Variants in ANKS1A observed in about 807,000 individuals in gnomAD.
ANKS1A encodes the protein ankyrin repeat and sterile alpha motif domain containing 1A.
A neutral mutation model predicts 120.3 loss-of-function variants in ANKS1A; 55 were observed. That is an observed-to-expected ratio of 0.46 (90% CI 0.37 to 0.57). The LOEUF (loss-of-function observed/expected upper bound fraction) is 0.57, where lower values mean the gene tolerates loss of function less well. ANKS1A is among the 20% of genes least tolerant of loss of function. The pLI is 0.00. For synonymous variants in ANKS1A, 590 were observed against 604.7 expected (o/e 0.98, Z 0.36); for missense variants, 1,123 against 1,480.3 (o/e 0.76, Z 3.96).
chr6:35,010,706 G>A (rs1368020819), intron 10 of ANKS1A, among the ~76,000 whole-genome samples: 1 of 152,164 alleles, frequency 6.6e-6, no homozygotes, highest in Non-Finnish European at 1.5e-5. Context: ...AAAAGGGTTA[G>A]GCAGTTAGAA....
intron 1 of ANKS1A, among the ~76,000 whole-genome samples, chr6:34,950,018 G>A (rs891780812): frequency 6.6e-5 from 10 of 152,046 alleles, no homozygotes; most frequent in Non-Finnish European, 1.5e-5. Flanking sequence ...ACTAGATCTG[G>A]CTTCACTTTT....
chr6:35,053,991 A>C, intron 11 of ANKS1A, 108 bp from the exon 12 acceptor site: 1 of 838,684 alleles, frequency 1.2e-6, no homozygotes, highest in Non-Finnish European at 2.0e-6. Context: ...GGTCCTGGGA[A>C]GCATCTGAAA....
rs145570206 is a variant in ANKS1A, at chr6:35,071,711, G to T, written c.2185-6847G>T. Among the ~76,000 whole-genome samples, 453 of 152,374 alleles carry T rather than the reference G, an allele frequency of 3.0e-3. 1 individual carries two copies. The highest frequency in any genetic ancestry group is 9.8e-3 in the African/African-American group (408 of 41,588). On this transcript the variant is annotated intron_variant, in intron 13 of 23. Coordinates refer to ENST00000360359, the MANE Select transcript of ANKS1A (RefSeq NM_015245.3). ...CCCCTGAGCTGGCCACACGCTCCCA[G>T]TCAGAACTTCTCTGCGGTTTGGATG...
chr6:34,901,242 G>T (rs1315191547), intron 1 of ANKS1A, among the ~76,000 whole-genome samples: 72 of 149,782 alleles, frequency 4.8e-4, no homozygotes, highest in African/African-American at 1.7e-3. Context: ...TAAACAATTC[G>T]CTCCCTCATT....
chr6:34,964,255 C>T (rs1489188950), intron 1 of ANKS1A, among the ~76,000 whole-genome samples: 3 of 152,038 alleles, frequency 2.0e-5, no homozygotes, highest in African/African-American at 7.3e-5. Context: ...AGATGATTCC[C>T]CCTTTCTTTT....
chr6:34,959,151 C>G (rs1365455334), intron 1 of ANKS1A, among the ~76,000 whole-genome samples: 1 of 152,232 alleles, frequency 6.6e-6, no homozygotes, highest in East Asian at 1.9e-4. Context: ...ACCTCACGCA[C>G]ATGAAAGTGG....
chr6:35,075,332 C>T (rs1406213628), intron 13 of ANKS1A, among the ~76,000 whole-genome samples: 7 of 151,050 alleles, frequency 4.6e-5, no homozygotes, highest in Non-Finnish European at 8.8e-5. Context: ...TCTACATGAA[C>T]AAAGCCAGCA....
At chr6:34,916,462 G>A (rs529394297) in intron 1 of ANKS1A, among the ~76,000 whole-genome samples, 2 of 152,292 alleles carry the variant, frequency 1.3e-5, no homozygotes, top group African/African-American at 4.8e-5. Flanking sequence ...ACTGCTGCTG[G>A]AGACTGCTGT....
Position 35,044,730 on chromosome 6 carries a change from G to C in ANKS1A, c.2011-9369G>C, listed in dbSNP as rs1280231382. Among the ~76,000 whole-genome samples, 1 of 152,206 alleles carries C rather than the reference G, an allele frequency of 6.6e-6. No homozygotes were observed. On this transcript the variant is annotated intron_variant, in intron 11 of 23. Coordinates refer to ENST00000360359, the MANE Select transcript of ANKS1A (RefSeq NM_015245.3). This position sits in a 1 kb window ranked among gnomAD's most constrained non-coding sequence, Gnocchi z 4.4. ...CAAAAGGAAGCCCTTTCCCTCTGGT[G>C]TATCTTTTAAAACAAAACAACAAAA...
chr6:35,075,189 A>C (rs1777282346), intron 13 of ANKS1A, among the ~76,000 whole-genome samples: 1 of 152,258 alleles, frequency 6.6e-6, no homozygotes, highest in South Asian at 2.1e-4. Flanking sequence ...GCTATAAAAA[A>C]GGAAACAAAT....
rs78884438 is a variant in ANKS1A, at chr6:34,903,529, C to T, written c.197+13930C>T. Among the ~76,000 whole-genome samples the T allele has an allele frequency of 3.3e-5, 5 of 151,204 alleles. No individual in the cohort carries two copies. The East Asian group carries it at 5.8e-4, about 18-fold the overall frequency. ...GTTTTTTTAAATTGAGACAGAGTCT[C>T]GCTCTGTTGCCAGGCTGGAGTGCAG... On this transcript the variant is annotated intron_variant, in intron 1 of 23. Transcript: ENST00000360359.
intron 12 of ANKS1A, among the ~76,000 whole-genome samples, chr6:35,054,935 C>T (rs1427791674): frequency 1.3e-5 from 2 of 152,216 alleles, no homozygotes; most frequent in African/African-American, 4.8e-5. Flanking sequence ...AGCAGCCCAG[C>T]TGGGAGCCTG....
chr6:34,923,815 A>G (rs1768562928), intron 1 of ANKS1A, among the ~76,000 whole-genome samples: 1 of 152,150 alleles, frequency 6.6e-6, no homozygotes, highest in Non-Finnish European at 1.5e-5. Flanking sequence ...ACCCTTTTCT[A>G]AGTGCATGTA....
chr6:34,906,176 A>G (rs1431723088), intron 1 of ANKS1A, among the ~76,000 whole-genome samples: 1 of 152,176 alleles, frequency 6.6e-6, no homozygotes, highest in Admixed American at 6.5e-5. Flanking sequence ...CAGTGTTTTT[A>G]GCGTTTCCTG....
Position 35,088,968 on chromosome 6 carries a change from C to T in ANKS1A, c.*359C>T. ...ATACTGCCAATCTTTAGACAAATGG[C>T]CATGGGGCAGAGGACAGGGGAGCTG... On this transcript the variant is annotated 3_prime_UTR_variant, in exon 24 of 24. Transcript: ENST00000360359. 1 of 1,229,156 alleles carries T rather than the reference C, an allele frequency of 8.1e-7. No homozygotes were observed. The highest frequency in any genetic ancestry group is 1.0e-6 in the Non-Finnish European group (1 of 972,098). The allele number at this position is 1,229,156 out of a possible 1,614,324, so 76.1% of individuals were successfully genotyped here.
At chr6:34,938,647 TTTTG>T (rs1384087337) in intron 1 of ANKS1A, among the ~76,000 whole-genome samples, 7 of 152,228 alleles carry the variant, frequency 4.6e-5, no homozygotes, top group African/African-American at 1.4e-4. Flanking sequence ...CCCACGTTGC[TTTTG>T]TTTGTTTGTC....
At chr6:35,061,995 CCTT>C (rs1203156363) in intron 13 of ANKS1A, among the ~76,000 whole-genome samples, 3 of 152,354 alleles carry the variant, frequency 2.0e-5, no homozygotes, top group East Asian at 3.9e-4. Context: ...TCCCACCTCT[CCTT>C]CTGCTGATTT....
rs115877605 is a variant in ANKS1A at position 34,906,207 on chromosome 6, G to A, written c.197+16608G>A. On this transcript the variant is annotated intron_variant, in intron 1 of 23. Transcript: ENST00000360359. ...TCCTGGCAGAGGTCCAAGGAAAGGT[G>A]CATCAGTGTGTCTTAAAACATCTGC... Among the ~76,000 whole-genome samples the A allele has an allele frequency of 2.6e-3, 390 of 152,310 alleles. 4 individuals carry two copies. Among genetic ancestry groups the A allele is most frequent in the African/African-American group, 8.9e-3 (368 of 41,574 alleles).
In ANKS1A at chr6:35,017,627, C is replaced by T. The variant is rs1485331382; in HGVS notation, c.1578C>T (p.Ser526=). ...AGCTGCTCTGTACCGCTGGCCAGAGCCATCCAGACGGGTCCCCCCAGCAGG... is the reference window on the plus strand; with the variant it reads ...AGCTGCTCTGTACCGCTGGCCAGAGTCATCCAGACGGGTCCCCCCAGCAGG... ...PFQLLCTAGQ[S]HPDGSPQQGA... The change falls in exon 11 of 24, where the codon AGC becomes AGT. Residue 526 remains serine (S), a synonymous_variant. Transcript: ENST00000360359. The T allele has an allele frequency of 6.2e-7, 1 of 1,613,838 alleles. No homozygotes were observed. Among genetic ancestry groups the T allele is most frequent in the Non-Finnish European group, 8.5e-7 (1 of 1,179,896 alleles).
Sources: allele counts gnomAD v4.1 joint callset (sites outside exome capture counted in the v4.1 genomes callset), GRCh38; gene constraint gnomAD v4.1.1; non-coding constraint Gnocchi (gnomAD v3.1); transcripts MANE v1.5; gene names NCBI Gene and HGNC (gene_info 2026-07-23, HGNC 2026-07-21).